Variants in CELSR1 observed in about 807,000 individuals in gnomAD.
CELSR1 encodes the protein adhesion G protein-coupled receptor C1.
Under a neutral mutation model 249.1 loss-of-function variants are expected in CELSR1, and 110 were observed. The observed-to-expected ratio is 0.44, with a 90% CI of 0.38 to 0.52. The LOEUF (loss-of-function observed/expected upper bound fraction) is 0.52. CELSR1 is among the 20% of genes least tolerant of loss of function. The pLI is 0.00. For synonymous variants in CELSR1, 2,113 were observed against 1,900.0 expected (o/e 1.11, Z -2.92); for missense variants, 4,109 against 4,296.4 (o/e 0.96, Z 1.22).
intron 25 of CELSR1, among the ~76,000 whole-genome samples, chr22:46,370,832 G>T (rs926409683): frequency 1.3e-5 from 2 of 152,346 alleles, no homozygotes; most frequent in African/African-American, 2.4e-5. Flanking sequence ...CTCAGTCTGA[G>T]GCTCCCCGGG....
rs1180542872 is a variant in CELSR1, at chr22:46,364,078, T to A, written c.8953A>T (p.Arg2985Trp). 2.5e-6 allele frequency: 4 copies of A among 1,612,058 alleles called. No homozygotes were observed. In the African/African-American group the frequency reaches 5.3e-5, roughly 22 times the overall value. The part of the protein sequence containing the change: ...DCAITVKSPG[R>W]EPGRDHLNGV... The stretch of plus-strand genomic sequence containing the variant: ...TTGAGGTGGTCACGCCCCGGCTCCC[T>A]CCCAGGGCTCTTGACTGTGATGGCG... Residue 2985 changes from arginine to tryptophan, a missense_variant, in exon 34 of 35, where the codon AGG (arginine) becomes TGG (tryptophan). By Grantham distance (101) the Arg-to-Trp change is moderately radical. Transcript: ENST00000674500.
intron 30 of CELSR1, 83 bp from the exon 31 acceptor site, chr22:46,365,772 C>T: frequency 9.7e-7 from 1 of 1,033,284 alleles, no homozygotes; most frequent in Non-Finnish European, 1.4e-6. Flanking sequence ...GATTCTCTGC[C>T]CCTACCCCTT....
chr22:46,403,983 A>AAAAAAAAAG (rs2079237029), intron 9 of CELSR1, among the ~76,000 whole-genome samples: 3 of 150,030 alleles, frequency 2.0e-5, no homozygotes, highest in African/African-American at 4.9e-5. Flanking sequence ...AAAAAAAAAA[A>AAAAAAAAAG]AAAAAAAGAA....
Position 46,440,710 on chromosome 22 carries a change from G to A in CELSR1, c.4184-1299C>T, listed in dbSNP as rs756672892. On this transcript the variant is annotated intron_variant, in intron 2 of 34. Transcript: ENST00000674500. The surrounding 1 kb of genome is among the most constrained non-coding windows in gnomAD (Gnocchi z 4.7). ...AGAAGCTCCTCGTAAATTATGGAAG[G>A]AACTATTGTCATTTTCATGGCAATT... Among the ~76,000 whole-genome samples, 63 of 152,110 alleles carry A rather than the reference G, an allele frequency of 4.1e-4. No homozygotes were observed. Among genetic ancestry groups the A allele is most frequent in the Non-Finnish European group, 8.7e-4 (59 of 68,034 alleles).
intron 12 of CELSR1, among the ~76,000 whole-genome samples, chr22:46,397,137 T>C (rs1214935475): frequency 1.3e-5 from 2 of 152,142 alleles, no homozygotes; most frequent in Non-Finnish European, 2.9e-5. Flanking sequence ...AGAGTCTTGC[T>C]CTGTTGCCCA....
chr22:46,364,284 G>A lies in CELSR1; in HGVS notation c.8780-33C>T, dbSNP rs747861453. On this transcript the variant is annotated intron_variant, in intron 33 of 34. Coordinates refer to ENST00000674500, the MANE Select transcript of CELSR1 (RefSeq NM_001378328.1). ...GAGGAGACACGGCAAGGTCAAGTCC[G>A]GGTGATGCTGCCGGGGGCAGCTGCT... 3.3e-5 allele frequency: 53 copies of A among 1,597,300 alleles called. No individual in the cohort carries two copies. In the Admixed American group the frequency reaches 4.9e-4, roughly 15 times the overall value.
intron 1 of CELSR1, among the ~76,000 whole-genome samples, chr22:46,529,576 G>T (rs959598868): frequency 6.6e-6 from 1 of 151,428 alleles, no homozygotes; most frequent in Non-Finnish European, 1.5e-5. Flanking sequence ...GCCAAGGCAG[G>T]CAGATCACTT....
intron 1 of CELSR1, among the ~76,000 whole-genome samples, chr22:46,523,857 A>G (rs753176113): frequency 2.2e-4 from 33 of 152,154 alleles, no homozygotes; most frequent in Non-Finnish European, 4.6e-4. Flanking sequence ...GCTCTACCAT[A>G]AGAGACCCCA....
chr22:46,428,446 G>C lies in CELSR1; in HGVS notation c.4611+4947C>G, dbSNP rs928048981. ...CGTAGAGGCTGCTGCCTCAAGCTCC[G>C]GCCCAGGGTCTCGCATCTCCACCTG... On this transcript the variant is annotated intron_variant, in intron 5 of 34. Transcript: ENST00000674500. This position sits in a 1 kb window ranked among gnomAD's most constrained non-coding sequence, Gnocchi z 5.7. Among the ~76,000 whole-genome samples the C allele has an allele frequency of 6.6e-6, 1 of 152,148 alleles. No individual in the cohort carries two copies. The highest frequency in any genetic ancestry group is 1.5e-5 in the Non-Finnish European group (1 of 68,018).
rs375709717 is a variant in CELSR1, at chr22:46,533,777, G to A, written c.3394C>T (p.Pro1132Ser). The change falls in exon 1 of 35, where the codon CCC (proline) becomes TCC (serine). Residue 1132 changes from proline to serine, a missense_variant. By Grantham distance (74) the Pro-to-Ser change is moderately conservative. Transcript: ENST00000674500. ...TAGTTGAGGCTGTCTGACACGTCGG[G>A]GTCATGGGCCGGGATGCAGCCGATC... Reference protein sequence around the residue: ...GVIGCIPAHDPDVSDSLNYTF... With the variant: ...GVIGCIPAHDSDVSDSLNYTF... The A allele has an allele frequency of 1.2e-5, 19 of 1,613,530 alleles. No individual in the cohort carries two copies. The highest frequency in any genetic ancestry group is 1.7e-5 in the Admixed American group (1 of 60,018).
At chr22:46,515,107 A>T (rs560312316) in intron 1 of CELSR1, among the ~76,000 whole-genome samples, 19 of 136,914 alleles carry the variant, frequency 1.4e-4, no homozygotes, top group African/African-American at 4.3e-4. Flanking sequence ...GACCCCCCTC[A>T]GCGTCCCAGC....
intron 4 of CELSR1, among the ~76,000 whole-genome samples, chr22:46,435,136 G>C (rs2079643110): frequency 6.6e-6 from 1 of 151,224 alleles, no homozygotes; most frequent in Admixed American, 6.6e-5. Flanking sequence ...TTTTTTAAAA[G>C]AGACAGAGTC....
chr22:46,537,535 G>C lies in CELSR1; in HGVS notation c.-365C>G, dbSNP rs2080872339. Among the ~76,000 whole-genome samples, 1 of 147,932 alleles carries C rather than the reference G, an allele frequency of 6.8e-6. No individual in the cohort carries two copies. Among genetic ancestry groups the C allele is most frequent in the Non-Finnish European group, 1.5e-5 (1 of 66,504 alleles). ...TGGGAAGCGGGGCGGGCCCGGCGCG[G>C]GGCGGGGGCTGAGTTCCCGGAGCGG... On this transcript the variant is annotated 5_prime_UTR_variant, in exon 1 of 35. Coordinates refer to ENST00000674500, the MANE Select transcript of CELSR1 (RefSeq NM_001378328.1). This position sits in a 1 kb window ranked among gnomAD's most constrained non-coding sequence, Gnocchi z 5.8.
rs934413140 is a variant in CELSR1, at chr22:46,411,993, T to C, written c.4612-234A>G. Among the ~76,000 whole-genome samples the C allele has an allele frequency of 2.6e-5, 4 of 152,198 alleles. No homozygotes were observed. Among genetic ancestry groups the C allele is most frequent in the Non-Finnish European group, 5.9e-5 (4 of 68,034 alleles). Reference sequence around the variant, plus strand: ...ACGTGGCCTGGTCTGGACAAAGAGCTGGTGCTGATGGAATTAGCTAAGATG... The same window carrying C: ...ACGTGGCCTGGTCTGGACAAAGAGCCGGTGCTGATGGAATTAGCTAAGATG... On this transcript the variant is annotated intron_variant, in intron 5 of 34. Transcript: ENST00000674500. The surrounding 1 kb of genome is among the most constrained non-coding windows in gnomAD (Gnocchi z 4.2).
chr22:46,481,546 G>C, intron 1 of CELSR1: 1 of 1,264,166 alleles, frequency 7.9e-7, no homozygotes, highest in South Asian at 1.3e-5. Flanking sequence ...GGTGATCAAA[G>C]CCTGGGCTTA....
Position 46,522,066 on chromosome 22 carries a change from C to A in CELSR1, c.3544+11561G>T, listed in dbSNP as rs535944594. On this transcript the variant is annotated intron_variant, in intron 1 of 34. Transcript: ENST00000674500. ...ATGGGTATGAAGTAGCATCTCCTTG[C>A]AGGTTTGGGGTTTTTTTGTGTGTGT... 4.6e-5 allele frequency among the ~76,000 whole-genome samples: 7 copies of A among 152,200 alleles called. No individual in the cohort carries two copies. In the East Asian group the frequency reaches 1.4e-3, roughly 29 times the overall value.
intron 1 of CELSR1, among the ~76,000 whole-genome samples, chr22:46,483,254 C>A (rs550333640): frequency 2.2e-4 from 33 of 152,214 alleles, no homozygotes; most frequent in African/African-American, 7.0e-4. Flanking sequence ...TTAGAAAGAA[C>A]CTTATTAATA....
At chr22:46,522,340 G>A (rs934907247) in intron 1 of CELSR1, among the ~76,000 whole-genome samples, 8 of 151,842 alleles carry the variant, frequency 5.3e-5, no homozygotes, top group Admixed American at 1.3e-4. Flanking sequence ...CCAATTCCTC[G>A]GCTCAAGCAA....
intron 1 of CELSR1, among the ~76,000 whole-genome samples, chr22:46,470,745 C>T (rs899912639): frequency 2.0e-5 from 3 of 152,134 alleles, no homozygotes; most frequent in African/African-American, 7.2e-5. Context: ...AGCCTATCCC[C>T]ACAACGGAAT....
Sources: allele counts gnomAD v4.1 joint callset (sites outside exome capture counted in the v4.1 genomes callset), GRCh38; gene constraint gnomAD v4.1.1; non-coding constraint Gnocchi (gnomAD v3.1); transcripts MANE v1.5; gene names NCBI Gene and HGNC (gene_info 2026-07-23, HGNC 2026-07-21).